Variants in CRTAP observed in about 807,000 individuals in gnomAD.
The protein encoded by CRTAP is cartilage-associated protein.
In CRTAP, 33 loss-of-function variants were observed where a neutral mutation model predicts 42.7. The observed-to-expected ratio is 0.77, with a 90% CI of 0.59 to 1.03. The LOEUF (loss-of-function observed/expected upper bound fraction) is 1.03, where lower values mean the gene tolerates loss of function less well. Among genes scored for constraint, CRTAP ranks in the 50% least tolerant of loss-of-function variants. CRTAP has a pLI of 0.00. For missense variants in CRTAP, 613 were observed against 533.9 expected (o/e 1.15, Z -1.46); for synonymous variants, 243 against 217.7 (o/e 1.12, Z -1.02).
chr3:33,137,779 A>G (rs192630360), intron 6 of CRTAP, among the ~76,000 whole-genome samples: 7 of 152,334 alleles, frequency 4.6e-5, no homozygotes, highest in South Asian at 2.1e-4. Flanking sequence ...GCCTAATCCA[A>G]GGTCACAAAG....
intron 6 of CRTAP, 94 bp downstream of exon 6, chr3:33,134,359 G>A (rs2030362013): frequency 2.3e-6 from 2 of 863,342 alleles, no homozygotes; most frequent in African/African-American, 1.7e-5. Flanking sequence ...CCTCCCTGAA[G>A]TAAGAAACAG....
intron 2 of CRTAP, among the ~76,000 whole-genome samples, chr3:33,122,674 C>T (rs2125599581): frequency 7.2e-6 from 1 of 138,002 alleles, no homozygotes; most frequent in South Asian, 2.3e-4. Flanking sequence ...TGCACCACTG[C>T]ATTCGAGCCT....
intron 6 of CRTAP, among the ~76,000 whole-genome samples, chr3:33,137,109 T>G (rs1201455158): frequency 6.6e-6 from 1 of 152,052 alleles, no homozygotes; most frequent in Non-Finnish European, 1.5e-5. Context: ...GCAAGTAGTA[T>G]TTCATTGTGG....
intron 1 of CRTAP, among the ~76,000 whole-genome samples, chr3:33,119,267 C>T (rs1044568649): frequency 6.6e-6 from 1 of 152,146 alleles, no homozygotes; most frequent in Non-Finnish European, 1.5e-5. Context: ...TTGTGTCCTG[C>T]CTTGTCCTGA....
chr3:33,120,198 C>A, intron 1 of CRTAP, 146 bp from the exon 2 acceptor site: 3 of 762,610 alleles, frequency 3.9e-6, no homozygotes, highest in Non-Finnish European at 6.9e-6. Context: ...TGGACTTGGT[C>A]TTGAGGGGCC....
intron 2 of CRTAP, among the ~76,000 whole-genome samples, chr3:33,121,351 G>A (rs2029875850): frequency 6.6e-6 from 1 of 151,374 alleles, no homozygotes; most frequent in African/African-American, 2.5e-5. Context: ...GACAGAGGTT[G>A]CAATGAGCTG....
At chr3:33,124,612 A>G (rs372626425) in intron 3 of CRTAP, 33 bp downstream of exon 3, 85 of 1,607,670 alleles carry the variant, frequency 5.3e-5, no homozygotes, top group Non-Finnish European at 2.1e-5. Flanking sequence ...CACTACTCCC[A>G]TGGAATAGTC....
At chr3:33,123,639 T>G (rs1344141219) in intron 2 of CRTAP, among the ~76,000 whole-genome samples, 1 of 147,186 alleles carries the variant, frequency 6.8e-6, no homozygotes, top group Non-Finnish European at 1.5e-5. Flanking sequence ...TTTTTTTTTT[T>G]TTTTTTTTTT....
chr3:33,118,339 A>G (rs1340946897), intron 1 of CRTAP, among the ~76,000 whole-genome samples: 1 of 152,194 alleles, frequency 6.6e-6, no homozygotes, highest in African/African-American at 2.4e-5. Flanking sequence ...GGCAGCATTC[A>G]TACCCTCTCC....
At position 33,133,293 on chromosome 3, in the gene CRTAP, C is replaced by T. The variant is rs542927883; in HGVS notation, c.1068+593C>T. 2.3e-3 allele frequency among the ~76,000 whole-genome samples: 342 copies of T among 146,214 alleles called. 4 individuals carry two copies. The highest frequency in any genetic ancestry group is 4.2e-3 in the Admixed American group (62 of 14,628). ...TTTTTTTTTGAGACAGAGTCTTGCT[C>T]TGTCACCCAGGCTAGAGTGCAGTGG... On this transcript the variant is annotated intron_variant, in intron 5 of 6. Transcript: ENST00000320954.
rs2030688839 is a variant in CRTAP, at chr3:33,145,227, C to T, written c.*2779C>T. 6.6e-6 allele frequency: 1 copy of T among 152,490 alleles called. No homozygotes were observed. Among genetic ancestry groups the T allele is most frequent in the South Asian group, 2.1e-4 (1 of 4,830 alleles). The allele number at this position is 152,490 out of a possible 1,614,324, so 9.4% of individuals were successfully genotyped here. ...TCACTCACCTGCACAAGAATCCCTG[C>T]ATCAGGTTCTCCTTTGAGGGTACCC... On this transcript the variant is annotated 3_prime_UTR_variant, in exon 7 of 7. Coordinates refer to ENST00000320954, the MANE Select transcript of CRTAP (RefSeq NM_006371.5). The surrounding 1 kb of genome is among the most constrained non-coding windows in gnomAD (Gnocchi z 4.3).
chr3:33,147,372 T>C lies in CRTAP; in HGVS notation c.*4924T>C, dbSNP rs1220392843. 1 of 152,798 alleles carries C rather than the reference T, an allele frequency of 6.5e-6. No homozygotes were observed. The highest frequency in any genetic ancestry group is 1.9e-4 in the East Asian group (1 of 5,184). 9.5% of individuals were successfully genotyped at this position (152,798 alleles called of 1,614,324 possible). ...ATTGTTATCCTTAGAGTGTTTTCCG[T>C]CTAGGGCCGGCTCGTGAACAGCCAC... On this transcript the variant is annotated 3_prime_UTR_variant, in exon 7 of 7. Coordinates refer to ENST00000320954, the MANE Select transcript of CRTAP (RefSeq NM_006371.5).
intron 3 of CRTAP, among the ~76,000 whole-genome samples, chr3:33,127,995 G>T (rs962152548): frequency 6.6e-6 from 1 of 150,654 alleles, no homozygotes; most frequent in African/African-American, 2.4e-5. Flanking sequence ...TGATCCGCCC[G>T]CCTTGCCCTC....
At chr3:33,131,980 G>A (rs904190251) in intron 4 of CRTAP, among the ~76,000 whole-genome samples, 2 of 151,864 alleles carry the variant, frequency 1.3e-5, no homozygotes, top group Admixed American at 1.3e-4. Context: ...CTATGCTGAA[G>A]GTACTGTCAC....
chr3:33,114,244 G>A lies in CRTAP; in HGVS notation c.167G>A (p.Ser56Asn), dbSNP rs571617130. 1.3e-4 allele frequency: 200 copies of A among 1,590,490 alleles called. 1 individual carries two copies. In the South Asian group the frequency reaches 2.1e-3, roughly 16 times the overall value. The part of the protein sequence containing the change: ...SAYRHALDKY[S>N]GEHWAESVGY... ...TACCGGCACGCGCTGGACAAGTACA[G>A]CGGCGAGCACTGGGCCGAGAGCGTG... Residue 56 changes from serine to asparagine, a missense_variant, in exon 1 of 7, where the codon AGC becomes AAC. Transcript: ENST00000320954.
intron 6 of CRTAP, among the ~76,000 whole-genome samples, chr3:33,139,821 T>C (rs943849372): frequency 1.3e-5 from 2 of 152,232 alleles, no homozygotes; most frequent in East Asian, 1.9e-4. Flanking sequence ...TGTCAAATGC[T>C]TTTTCTGCAT....
chr3:33,131,968 C>G (rs1156844198), intron 4 of CRTAP, among the ~76,000 whole-genome samples: 1 of 151,936 alleles, frequency 6.6e-6, no homozygotes, highest in Admixed American at 6.6e-5. Context: ...CCTGCAAAAT[C>G]CCTATGCTGA....
intron 1 of CRTAP, 35 bp downstream of exon 1, chr3:33,114,583 C>A: frequency 6.5e-7 from 1 of 1,545,230 alleles, no homozygotes; most frequent in Non-Finnish European, 8.7e-7. Flanking sequence ...GGCCCCGGCC[C>A]CGCCCCTGAC....
intron 1 of CRTAP, chr3:33,115,371 TTCTC>T (rs1701331139): frequency 6.6e-6 from 1 of 152,192 alleles, no homozygotes; most frequent in Admixed American, 6.5e-5. Context: ...TCTCCGCTGT[TTCTC>T]TCTTTCATCT....
Sources: allele counts gnomAD v4.1 joint callset (sites outside exome capture counted in the v4.1 genomes callset), GRCh38; gene constraint gnomAD v4.1.1; non-coding constraint Gnocchi (gnomAD v3.1); transcripts MANE v1.5; gene names NCBI Gene and HGNC (gene_info 2026-07-23, HGNC 2026-07-21).